DOCK8: variants seen among roughly 807,000 people sequenced by gnomAD.
DOCK8 encodes dedicator of cytokinesis protein 8.
In DOCK8, 141 loss-of-function variants were observed where a neutral mutation model predicts 245.6. The observed-to-expected ratio is 0.57, with a 90% CI of 0.50 to 0.66. DOCK8 has a LOEUF of 0.66. DOCK8 is among the 30% of genes least tolerant of loss of function. The probability of loss-of-function intolerance (pLI) is 0.00; values close to 1 mark genes in which losing one functional copy is unlikely to be tolerated. For missense variants in DOCK8, 2,965 were observed against 2,603.4 expected, an observed-to-expected ratio of 1.14 and a Z score of -3.02; for synonymous variants, 1,168 against 970.2, an observed-to-expected ratio of 1.20 and a Z score of -3.79.
chr9:243,578 C>T (rs2047428896), intron 1 of DOCK8, among the ~76,000 whole-genome samples: 1 of 152,152 alleles, frequency 6.6e-6, no homozygotes, highest in Non-Finnish European at 1.5e-5. Flanking sequence ...CTGACTGACC[C>T]ATGTTCTGTT....
intron 6 of DOCK8, among the ~76,000 whole-genome samples, chr9:313,909 C>T (rs2050235737): frequency 6.6e-6 from 1 of 152,136 alleles, no homozygotes; most frequent in Non-Finnish European, 1.5e-5. Context: ...CACTGTACCC[C>T]ATAGATGTTC....
chr9:331,348 T>G (rs2051003658), intron 9 of DOCK8, among the ~76,000 whole-genome samples: 1 of 152,224 alleles, frequency 6.6e-6, no homozygotes, highest in African/African-American at 2.4e-5. Flanking sequence ...GAGGGGGTTT[T>G]GAACTTCTTT....
At chr9:272,501 T>A (rs1186307014) in intron 2 of DOCK8, among the ~76,000 whole-genome samples, 1 of 152,074 alleles carries the variant, frequency 6.6e-6, no homozygotes, top group Non-Finnish European at 1.5e-5. Flanking sequence ...TCCTCCCACC[T>A]CATCCTCCCA....
At chr9:372,159 T>C in intron 17 of DOCK8, 26 bp from the exon 18 acceptor site, 1 of 1,587,480 alleles carries the variant, frequency 6.3e-7, no homozygotes, top group Non-Finnish European at 8.6e-7. Context: ...TAAATACCAC[T>C]TTATTATTTA....
At chr9:434,104 T>A (rs1355449924) in intron 38 of DOCK8, 129 bp downstream of exon 38, 2 of 725,354 alleles carry the variant, frequency 2.8e-6, no homozygotes, top group Non-Finnish European at 4.9e-6. Flanking sequence ...AAATAATATA[T>A]AGAAATTAAA....
chr9:243,277 C>T (rs1452976316), intron 1 of DOCK8, among the ~76,000 whole-genome samples: 3 of 152,120 alleles, frequency 2.0e-5, no homozygotes, highest in African/African-American at 7.2e-5. Flanking sequence ...CATTTCAATT[C>T]GCGTCTAGCC....
chr9:441,228 C>T, intron 40 of DOCK8, 58 bp from the exon 41 acceptor site: 1 of 1,610,170 alleles, frequency 6.2e-7, no homozygotes, highest in South Asian at 1.1e-5. Context: ...CCTCTGGTTG[C>T]TCTTCTTAAG....
chr9:460,233 A>G (rs1229654082), intron 46 of DOCK8: 1 of 152,224 alleles, frequency 6.6e-6, no homozygotes, highest in African/African-American at 2.4e-5. Context: ...TGCATATAAC[A>G]CATTTAACTC....
At chr9:226,841 T>C (rs927678951) in intron 1 of DOCK8, among the ~76,000 whole-genome samples, 1 of 152,152 alleles carries the variant, frequency 6.6e-6, no homozygotes, top group African/African-American at 2.4e-5. Flanking sequence ...AGACTGGATA[T>C]TTAAGTTTGC....
rs766299693 is a variant in DOCK8 at position 420,558 on chromosome 9, T to C, written c.3998T>C (p.Ile1333Thr). 1 of 1,614,170 alleles carries C rather than the reference T, an allele frequency of 6.2e-7. No individual in the cohort carries two copies. Among genetic ancestry groups the C allele is most frequent in the Non-Finnish European group, 8.5e-7 (1 of 1,180,036 alleles). Residue 1333 changes from isoleucine (I) to threonine (T), a missense_variant, in exon 31 of 48, where the codon ATC (isoleucine) becomes ACC (threonine). Ile to Thr is a moderately conservative substitution (Grantham distance 89). Coordinates refer to ENST00000432829, the MANE Select transcript of DOCK8 (RefSeq NM_203447.4). ...AACAGGATTTTAGATCTACTTTTCATCTGTGTGTTATGTTTTGAGTATAAG... is the reference window on the plus strand; with the variant it reads ...AACAGGATTTTAGATCTACTTTTCACCTGTGTGTTATGTTTTGAGTATAAG... ...QLNRILDLLF[I>T]CVLCFEYKGK...
intron 39 of DOCK8, among the ~76,000 whole-genome samples, chr9:438,092 C>G (rs2056963000): frequency 6.6e-6 from 1 of 152,222 alleles, no homozygotes. Flanking sequence ...AGAGCCTCCT[C>G]CTATATTCCT....
At chr9:258,446 TC>T (rs2047832466) in intron 1 of DOCK8, among the ~76,000 whole-genome samples, 1 of 152,138 alleles carries the variant, frequency 6.6e-6, no homozygotes, top group African/African-American at 2.4e-5. Context: ...ATCAACAGCA[TC>T]CAACAATGTG....
rs2050375964 is a variant in DOCK8 at position 317,024 on chromosome 9, A to C, written c.742-19A>C. ...CACAGAATTCACTAATGATTTCCTTACGATGTGATTAAAAATAGGAGGATG... is the reference window on the plus strand; with the variant it reads ...CACAGAATTCACTAATGATTTCCTTCCGATGTGATTAAAAATAGGAGGATG... On this transcript the variant is annotated intron_variant, in intron 6 of 47. Coordinates refer to ENST00000432829, the MANE Select transcript of DOCK8 (RefSeq NM_203447.4). 6.3e-7 allele frequency: 1 copy of C among 1,594,398 alleles called. No individual in the cohort carries two copies. The highest frequency in any genetic ancestry group is 8.6e-7 in the Non-Finnish European group (1 of 1,162,192).
chr9:403,442 A>G (rs1261347000), intron 26 of DOCK8, among the ~76,000 whole-genome samples: 1 of 152,234 alleles, frequency 6.6e-6, no homozygotes, highest in Admixed American at 6.5e-5. Flanking sequence ...GTGCTTACAT[A>G]GAAGTCATAT....
At chr9:361,024 G>A (rs368461108) in intron 14 of DOCK8, among the ~76,000 whole-genome samples, 4 of 152,098 alleles carry the variant, frequency 2.6e-5, no homozygotes, top group African/African-American at 9.7e-5. Context: ...AATTAGCCAG[G>A]CATTGTGGTG....
At chr9:358,437 A>G (rs999533243) in intron 14 of DOCK8, among the ~76,000 whole-genome samples, 5 of 152,242 alleles carry the variant, frequency 3.3e-5, no homozygotes, top group African/African-American at 1.2e-4. Context: ...TAGAGGTTAT[A>G]TAACAAGGTA....
At chr9:355,669 G>T (rs1015813344) in intron 14 of DOCK8, among the ~76,000 whole-genome samples, 2 of 152,166 alleles carry the variant, frequency 1.3e-5, no homozygotes, top group Non-Finnish European at 2.9e-5. Flanking sequence ...CTAGAAAGCA[G>T]ATTCTCTGCA....
At chr9:252,694 C>G (rs1306470702) in intron 1 of DOCK8, among the ~76,000 whole-genome samples, 1 of 151,146 alleles carries the variant, frequency 6.6e-6, no homozygotes, top group Non-Finnish European at 1.5e-5. Flanking sequence ...GCCCCAGCTA[C>G]TTGGTAGGCT....
intron 7 of DOCK8, among the ~76,000 whole-genome samples, chr9:319,784 GAAAA>G (rs533073287): frequency 6.7e-5 from 9 of 134,540 alleles, no homozygotes; most frequent in Non-Finnish European, 1.1e-4. Context: ...GTTTGTAACA[GAAAA>G]AAAAAAAAAG....
Sources: allele counts gnomAD v4.1 joint callset (sites outside exome capture counted in the v4.1 genomes callset), GRCh38; gene constraint gnomAD v4.1.1; transcripts MANE v1.5; gene names NCBI Gene and HGNC (gene_info 2026-07-23, HGNC 2026-07-21).